The following NOL4 variants were observed in gnomAD, a reference collection of about 807,000 sequenced individuals.
The protein encoded by NOL4 is nucleolar protein 4.
Under a neutral mutation model 75.9 loss-of-function variants are expected in NOL4, and 17 were observed. The observed-to-expected ratio is 0.22, with a 90% CI of 0.15 to 0.34. The LOEUF is 0.34. Among genes scored for constraint, NOL4 ranks in the 10% least tolerant of loss-of-function variants. The pLI, the probability that NOL4 is intolerant of heterozygous loss-of-function variation, is 1.00. For synonymous variants in NOL4, 292 were observed against 289.9 expected (o/e 1.01, Z -0.07); for missense variants, 614 against 793.5 (o/e 0.77, Z 2.72).
chr18:34,163,243 C>T (rs905421507), intron 1 of NOL4, among the ~76,000 whole-genome samples: 1 of 151,914 alleles, frequency 6.6e-6, no homozygotes, highest in African/African-American at 2.4e-5. Context: ...CTGGCCAGGG[C>T]AATTAGGCAG....
chr18:34,042,321 A>AC (rs2076175572), intron 5 of NOL4, among the ~76,000 whole-genome samples: 1 of 151,770 alleles, frequency 6.6e-6, no homozygotes, highest in Non-Finnish European at 1.5e-5. Flanking sequence ...CTCCCACCAA[A>AC]CCCCTTTCTA....
At chr18:34,058,355 C>T (rs190004066) in intron 5 of NOL4, among the ~76,000 whole-genome samples, 2 of 152,256 alleles carry the variant, frequency 1.3e-5, no homozygotes, top group East Asian at 1.9e-4. Context: ...AGGATGGTCT[C>T]GATCTCCTGA....
chr18:34,192,791 C>A (rs1253342181), intron 1 of NOL4, among the ~76,000 whole-genome samples: 6 of 152,126 alleles, frequency 3.9e-5, no homozygotes, highest in Non-Finnish European at 2.9e-5. Context: ...GTAACCAGGT[C>A]ATGAGGGCTG....
chr18:34,211,872 T>C (rs1044867024), intron 1 of NOL4, among the ~76,000 whole-genome samples: 9 of 152,176 alleles, frequency 5.9e-5, no homozygotes, highest in Non-Finnish European at 1.0e-4. Flanking sequence ...GACTTGCCAA[T>C]TACTGCTATT....
At chr18:34,217,670 A>G (rs572313943) in intron 1 of NOL4, among the ~76,000 whole-genome samples, 1 of 152,124 alleles carries the variant, frequency 6.6e-6, no homozygotes, top group Admixed American at 6.5e-5. Context: ...TTCATGTTCT[A>G]TGAATCATAT....
intron 9 of NOL4, among the ~76,000 whole-genome samples, chr18:33,905,992 A>C (rs144350839): frequency 0.014 from 2,101 of 152,298 alleles, 20 homozygotes; most frequent in Middle Eastern, 0.027. Context: ...GAGGCCTAGC[A>C]TGACTAACTC....
chr18:34,130,082 C>A, intron 1 of NOL4, 62 bp from the exon 2 acceptor site: 1 of 1,386,272 alleles, frequency 7.2e-7, no homozygotes, highest in Non-Finnish European at 9.5e-7. Flanking sequence ...GCATTTAATA[C>A]ACAAATTGTT....
intron 8 of NOL4, among the ~76,000 whole-genome samples, chr18:33,948,645 C>T (rs2068998859): frequency 6.6e-6 from 1 of 151,922 alleles, no homozygotes; most frequent in African/African-American, 2.4e-5. Context: ...GAGGTTCAGT[C>T]AGAAAATTAT....
At chr18:33,868,838 C>T (rs1285519834) in intron 10 of NOL4, among the ~76,000 whole-genome samples, 1 of 151,792 alleles carries the variant, frequency 6.6e-6, no homozygotes, top group Non-Finnish European at 1.5e-5. Context: ...ATTGAGATTA[C>T]TAGTAATTAA....
intron 6 of NOL4, among the ~76,000 whole-genome samples, chr18:33,999,876 A>C (rs2073571085): frequency 6.6e-6 from 1 of 152,082 alleles, no homozygotes; most frequent in Non-Finnish European, 1.5e-5. Flanking sequence ...TTGGTATCGA[A>C]GCCCTGACCT....
chr18:34,035,032 C>G (rs1212424622), intron 5 of NOL4, among the ~76,000 whole-genome samples: 1 of 151,892 alleles, frequency 6.6e-6, no homozygotes, highest in Non-Finnish European at 1.5e-5. Context: ...ACTTCAACAC[C>G]CTACTCTAAG....
intron 1 of NOL4, among the ~76,000 whole-genome samples, chr18:34,146,909 T>C (rs887351364): frequency 2.0e-5 from 3 of 152,134 alleles, no homozygotes; most frequent in Non-Finnish European, 4.4e-5. Context: ...CAGTGGTTTG[T>C]AGTTCTCCTT....
chr18:33,887,078 CTA>C (rs886095598), intron 9 of NOL4, among the ~76,000 whole-genome samples: 5 of 132,222 alleles, frequency 3.8e-5, no homozygotes, highest in Non-Finnish European at 7.9e-5. Context: ...ATATATATAT[CTA>C]TATATATTAG....
intron 1 of NOL4, among the ~76,000 whole-genome samples, chr18:34,134,156 T>A (rs2145931573): frequency 6.6e-6 from 1 of 152,234 alleles, no homozygotes; most frequent in East Asian, 1.9e-4. Context: ...GTGTCAGTTT[T>A]ATGACTTATC....
intron 6 of NOL4, among the ~76,000 whole-genome samples, chr18:33,967,537 G>A (rs1162556701): frequency 6.6e-6 from 1 of 151,956 alleles, no homozygotes; most frequent in Admixed American, 6.6e-5. Flanking sequence ...ACAGCCTACA[G>A]AATAGGAGAA....
At chr18:33,926,880 G>T (rs1024627543) in intron 9 of NOL4, among the ~76,000 whole-genome samples, 1 of 152,158 alleles carries the variant, frequency 6.6e-6, no homozygotes, top group African/African-American at 2.4e-5. Flanking sequence ...TTACAGGTGT[G>T]AGCCACCGGG....
chr18:34,213,648 C>G (rs892463069), intron 1 of NOL4, among the ~76,000 whole-genome samples: 2 of 152,100 alleles, frequency 1.3e-5, no homozygotes, highest in African/African-American at 4.8e-5. Flanking sequence ...TAAAATAATG[C>G]GTTTAGACCC....
chr18:33,994,040 C>A (rs940200019), intron 6 of NOL4, among the ~76,000 whole-genome samples: 14 of 151,804 alleles, frequency 9.2e-5, no homozygotes, highest in African/African-American at 3.4e-4. Flanking sequence ...AAACAAAAAA[C>A]TGCTACTAGA....
intron 6 of NOL4, among the ~76,000 whole-genome samples, chr18:34,014,866 G>A (rs1230929975): frequency 2.6e-5 from 4 of 152,058 alleles, no homozygotes; most frequent in African/African-American, 9.6e-5. Flanking sequence ...TCAACTATTC[G>A]TTTTAAGCAC....
Sources: gnomAD v4.1 joint callset for allele counts (sites outside exome capture counted in the v4.1 genomes callset) on GRCh38, gnomAD v4.1.1 for gene constraint, MANE v1.5 for transcripts, NCBI Gene and HGNC (gene_info 2026-07-23, HGNC 2026-07-21) for gene names.